The following CNTN5 variants were observed in gnomAD, a reference collection of about 807,000 sequenced individuals.
CNTN5 encodes contactin-5.
CNTN5 carries 77 observed loss-of-function variants against 129.1 expected under a neutral mutation model. The ratio of observed to expected loss-of-function variants is 0.60; its 90% CI spans 0.50 to 0.72. CNTN5 has a LOEUF of 0.72. Among genes scored for constraint, CNTN5 ranks in the 30% least tolerant of loss-of-function variants. The pLI is 0.00. For missense variants in CNTN5, 1,478 were observed against 1,328.8 expected, an observed-to-expected ratio of 1.11 and a Z score of -1.75; for synonymous variants, 509 against 465.6, an observed-to-expected ratio of 1.09 and a Z score of -1.20.
chr11:100,183,667 G>A (rs1476319456), intron 13 of CNTN5, among the ~76,000 whole-genome samples: 2 of 152,022 alleles, frequency 1.3e-5, no homozygotes, highest in Admixed American at 1.3e-4. Flanking sequence ...TGCTTCTGAG[G>A]GTGATGCATA....
chr11:99,277,797 C>T (rs558806730), intron 1 of CNTN5, among the ~76,000 whole-genome samples: 1 of 151,440 alleles, frequency 6.6e-6, no homozygotes, highest in Non-Finnish European at 1.5e-5. Context: ...AAAAATGGAG[C>T]CATTTTAAGA....
At chr11:99,570,889 T>C (rs1241180419) in intron 3 of CNTN5, among the ~76,000 whole-genome samples, 1 of 152,080 alleles carries the variant, frequency 6.6e-6, no homozygotes, top group Non-Finnish European at 1.5e-5. Context: ...AACATGGAAA[T>C]ACAAGCCACA....
chr11:100,086,001 C>G (rs1944538394), intron 13 of CNTN5, among the ~76,000 whole-genome samples: 1 of 151,904 alleles, frequency 6.6e-6, no homozygotes, highest in Non-Finnish European at 1.5e-5. Flanking sequence ...GAATTCAGGA[C>G]ACTTTTGGGA....
intron 2 of CNTN5, among the ~76,000 whole-genome samples, chr11:99,397,103 C>T (rs1214125686): frequency 9.2e-5 from 14 of 151,676 alleles, no homozygotes; most frequent in East Asian, 5.8e-4. Flanking sequence ...TAGGTTGTGA[C>T]GGTTCCTCCA....
chr11:100,199,961 T>C (rs1278844096), intron 15 of CNTN5, among the ~76,000 whole-genome samples: 2 of 152,038 alleles, frequency 1.3e-5, no homozygotes, highest in African/African-American at 4.8e-5. Flanking sequence ...CTTAGCCAAC[T>C]GCTACATTAT....
At chr11:100,235,607 C>G (rs1338033668) in intron 16 of CNTN5, among the ~76,000 whole-genome samples, 1 of 152,098 alleles carries the variant, frequency 6.6e-6, no homozygotes, top group Non-Finnish European at 1.5e-5. Context: ...TACATTATGT[C>G]TTTTAAGATT....
intron 2 of CNTN5, among the ~76,000 whole-genome samples, chr11:99,359,777 C>T (rs1054021067): frequency 6.6e-6 from 1 of 151,944 alleles, no homozygotes; most frequent in African/African-American, 2.4e-5. Flanking sequence ...TGAAATCGAG[C>T]AAGTTACGTG....
chr11:99,312,342 T>G (rs1865149471), intron 1 of CNTN5, among the ~76,000 whole-genome samples: 1 of 152,180 alleles, frequency 6.6e-6, no homozygotes, highest in Non-Finnish European at 1.5e-5. Flanking sequence ...ACTTGCTTTT[T>G]GAATAGAGGC....
At chr11:100,113,907 G>A (rs149111900) in intron 13 of CNTN5, among the ~76,000 whole-genome samples, 1 of 152,092 alleles carries the variant, frequency 6.6e-6, no homozygotes, top group Non-Finnish European at 1.5e-5. Context: ...CCAAGAGAGT[G>A]TAACATAAGT....
chr11:99,987,476 C>CAT (rs1265273515), intron 8 of CNTN5, among the ~76,000 whole-genome samples: 3 of 149,874 alleles, frequency 2.0e-5, no homozygotes, highest in Non-Finnish European at 4.4e-5. Flanking sequence ...TTTCTTTCTC[C>CAT]ATATGTGTAT....
chr11:99,112,744 T>C (rs867572185), intron 1 of CNTN5, among the ~76,000 whole-genome samples: 2 of 152,056 alleles, frequency 1.3e-5, no homozygotes, highest in African/African-American at 2.4e-5. Flanking sequence ...TGCTGGCTTA[T>C]TCTATTTTTA....
At chr11:99,951,641 A>G (rs186453379) in intron 7 of CNTN5, among the ~76,000 whole-genome samples, 47 of 152,296 alleles carry the variant, frequency 3.1e-4, no homozygotes, top group African/African-American at 1.1e-3. Context: ...AGAATAAATC[A>G]TGAAGTTATT....
At chr11:99,029,499 G>T (rs776662782) in intron 1 of CNTN5, among the ~76,000 whole-genome samples, 3 of 151,986 alleles carry the variant, frequency 2.0e-5, no homozygotes, top group Non-Finnish European at 4.4e-5. Context: ...ACCTGTAAAA[G>T]ACTGTAGAAA....
At chr11:100,081,875 A>G (rs920160211) in intron 13 of CNTN5, among the ~76,000 whole-genome samples, 1 of 152,126 alleles carries the variant, frequency 6.6e-6, no homozygotes, top group African/African-American at 2.4e-5. Flanking sequence ...CTGTGTACCT[A>G]ACTGACCTTG....
chr11:99,819,657 C>T lies in CNTN5; in HGVS notation c.169C>T (p.Pro57Ser), dbSNP rs1221209294. The change falls in exon 4 of 25, where the codon CCT (proline) becomes TCT (serine). Residue 57 changes from proline to serine, a missense_variant. Pro to Ser is a moderately conservative substitution (Grantham distance 74). Coordinates refer to ENST00000524871, the MANE Select transcript of CNTN5 (RefSeq NM_014361.4). Reference protein sequence around the residue: ...GSKTRPRYSSPSLGTLSASSP... With the variant: ...GSKTRPRYSSSSLGTLSASSP... ...CAAAACCAGACCACGATACAGCAGC[C>T]CTTCATTAGGAACACTGAGTGCTTC... 7 of 1,612,846 alleles carry T rather than the reference C, an allele frequency of 4.3e-6. No individual in the cohort carries two copies. In the Admixed American group the frequency reaches 8.3e-5, roughly 19 times the overall value.
At chr11:99,366,331 T>C (rs1238775516) in intron 2 of CNTN5, among the ~76,000 whole-genome samples, 1 of 152,150 alleles carries the variant, frequency 6.6e-6, no homozygotes, top group Non-Finnish European at 1.5e-5. Context: ...ACTCATTTGG[T>C]TATGGATATT....
chr11:99,491,178 T>C (rs1432630638), intron 2 of CNTN5, among the ~76,000 whole-genome samples: 1 of 152,064 alleles, frequency 6.6e-6, no homozygotes. Context: ...AATCAATCAT[T>C]CCCATGTATT....
At chr11:99,302,031 G>A (rs1179323703) in intron 1 of CNTN5, among the ~76,000 whole-genome samples, 1 of 151,554 alleles carries the variant, frequency 6.6e-6, no homozygotes, top group Non-Finnish European at 1.5e-5. Flanking sequence ...TTTGAAATGA[G>A]GGAAAAGAAA....
chr11:99,093,858 A>G (rs188605505), intron 1 of CNTN5, among the ~76,000 whole-genome samples: 3 of 152,084 alleles, frequency 2.0e-5, no homozygotes, highest in Admixed American at 1.3e-4. Flanking sequence ...GAATTTAATA[A>G]CTTGTCTAAA....
Sources: gnomAD v4.1 joint callset for allele counts (sites outside exome capture counted in the v4.1 genomes callset) on GRCh38, gnomAD v4.1.1 for gene constraint, MANE v1.5 for transcripts, NCBI Gene and HGNC (gene_info 2026-07-23, HGNC 2026-07-21) for gene names.